The following GBA2 variants were observed in gnomAD, a reference collection of about 807,000 sequenced individuals.
GBA2 encodes glucosylceramidase beta 2.
A neutral mutation model predicts 112.9 loss-of-function variants in GBA2; 79 were observed. The observed-to-expected ratio is 0.70, with a 90% CI of 0.58 to 0.84. GBA2 has a LOEUF of 0.84. Ranked by LOEUF, GBA2 falls within the 40% of genes least tolerant of loss-of-function variation. The probability of loss-of-function intolerance (pLI) is 0.00; values close to 1 mark genes in which losing one functional copy is unlikely to be tolerated. For synonymous variants in GBA2, 403 were observed against 434.3 expected, an observed-to-expected ratio of 0.93 and a Z score of 0.90; for missense variants, 1,043 against 1,190.0, an observed-to-expected ratio of 0.88 and a Z score of 1.82.
In GBA2 at chr9:35,738,781, A is replaced by G. The variant is rs1394491709; in HGVS notation, c.1918T>C (p.Phe640Leu). The G allele has an allele frequency of 1.2e-6, 2 of 1,614,070 alleles. No homozygotes were observed. The highest frequency in any genetic ancestry group is 1.7e-6 in the Non-Finnish European group (2 of 1,180,008). ...CACACAGGCCACATGTCCTTCAGGA[A>G]GTTTTGATCACCCGTGAGGTAATAG... Reference protein sequence around the residue: ...RDYYLTGDQNFLKDMWPVCLA... With the variant: ...RDYYLTGDQNLLKDMWPVCLA... Residue 640 changes from phenylalanine (F) to leucine (L), a missense_variant, in exon 12 of 17, where the codon TTC (phenylalanine) becomes CTC (leucine). Physicochemically the swap from Phe to Leu is conservative, Grantham distance 22 (BLOSUM62 0). Transcript: ENST00000378103.
At position 35,738,545 on chromosome 9, in the gene GBA2, A is replaced by G; in HGVS notation, c.2035T>C (p.Trp679Arg). The change falls in exon 13 of 17, where the codon TGG becomes CGG. Residue 679 changes from tryptophan to arginine, a missense_variant. Physicochemically the swap from Trp to Arg is moderately radical, Grantham distance 101. Transcript: ENST00000378103. Reference protein sequence around the residue: ...GGYADQTYDGWVTTGPSAYCG... With the variant: ...GGYADQTYDGRVTTGPSAYCG... ...GCTAACCTGGGGCCTGTGGTCACCC[A>G]TCCATCATAGGTCTGGTCTGCATAG... 1 of 1,613,068 alleles carries G rather than the reference A, an allele frequency of 6.2e-7. No individual in the cohort carries two copies. Among genetic ancestry groups the G allele is most frequent in the Non-Finnish European group, 8.5e-7 (1 of 1,178,982 alleles).
chr9:35,741,174 G>GTAC lies in GBA2; in HGVS notation c.787-113_787-111dup. Reference sequence around the variant, plus strand: ...GGACCTGACTCAAATACTCCCCAGTGTACTCTTCTTTTGTCCACTTGCATC... The same window carrying GTAC: ...GGACCTGACTCAAATACTCCCCAGTGTACTACTCTTCTTTTGTCCACTTGCATC... On this transcript the variant is annotated intron_variant, in intron 4 of 16. Coordinates refer to ENST00000378103, the MANE Select transcript of GBA2 (RefSeq NM_020944.3). The surrounding 1 kb of genome is among the most constrained non-coding windows in gnomAD (Gnocchi z 4.6). 8 of 1,177,986 alleles carry GTAC rather than the reference G, an allele frequency of 6.8e-6. No homozygotes were observed. Among genetic ancestry groups the GTAC allele is most frequent in the Non-Finnish European group, 8.4e-6 (7 of 830,796 alleles). The allele number at this position is 1,177,986 out of a possible 1,614,324, so 73.0% of individuals were successfully genotyped here. A position where few individuals can be genotyped will look rare whatever the true frequency, so the allele number is the denominator to read the frequency against.
At position 35,741,115 on chromosome 9, in the gene GBA2, C is replaced by T; in HGVS notation, c.787-51G>A. 6.2e-7 allele frequency: 1 copy of T among 1,602,424 alleles called. No individual in the cohort carries two copies. On this transcript the variant is annotated intron_variant, in intron 4 of 16. Transcript: ENST00000378103. This position sits in a 1 kb window ranked among gnomAD's most constrained non-coding sequence, Gnocchi z 4.6. ...CGGTCCCAGTAGAGCGCCTCCTGAC[C>T]CCACTCTGCTAGGATCAGTCCTGGG...
At chr9:35,742,894 C>T (rs913386392) in intron 3 of GBA2, among the ~76,000 whole-genome samples, 5 of 152,120 alleles carry the variant, frequency 3.3e-5, no homozygotes, top group African/African-American at 1.2e-4. Context: ...TCTGTGAGTT[C>T]CACATCAGTG....
In GBA2 at chr9:35,746,534, T is replaced by G. The variant is rs1420074652; in HGVS notation, c.359+1812A>C. Among the ~76,000 whole-genome samples, 1 of 152,074 alleles carries G rather than the reference T, an allele frequency of 6.6e-6. No homozygotes were observed. The highest frequency in any genetic ancestry group is 1.5e-5 in the Non-Finnish European group (1 of 68,006). On this transcript the variant is annotated intron_variant, in intron 1 of 16. Coordinates refer to ENST00000378103, the MANE Select transcript of GBA2 (RefSeq NM_020944.3). This position sits in a 1 kb window ranked among gnomAD's most constrained non-coding sequence, Gnocchi z 5.2. Reference sequence around the variant, plus strand: ...TGAACCCAGGAGACGGAGGTTGCACTGAGCTGAGATTGCACCATTGTACTC... The same window carrying G: ...TGAACCCAGGAGACGGAGGTTGCACGGAGCTGAGATTGCACCATTGTACTC...
In GBA2 at chr9:35,740,055, C is replaced by T. The variant is rs200048828; in HGVS notation, c.1352G>A (p.Arg451Gln). 2.5e-5 allele frequency: 40 copies of T among 1,613,822 alleles called. No individual in the cohort carries two copies. The highest frequency in any genetic ancestry group is 1.6e-4 in the Middle Eastern group (1 of 6,084). Residue 451 changes from arginine (R) to glutamine (Q), a missense_variant, in exon 8 of 17, where the codon CGA (arginine) becomes CAA (glutamine). Transcript: ENST00000378103. The surrounding 1 kb of genome is among the most constrained non-coding windows in gnomAD (Gnocchi z 4.7). Reference sequence around the variant, plus strand: ...GATCCTCTCTTCCCACTCTGCGTATCGGCACAGTGCATAGTGGCTGAGGGC... The same window carrying T: ...GATCCTCTCTTCCCACTCTGCGTATTGGCACAGTGCATAGTGGCTGAGGGC... ...APALSHYALC[R>Q]YAEWEERISA...
Position 35,736,961 on chromosome 9 carries a change from AG to A in GBA2, c.*207del, listed in dbSNP as rs1588000485. The A allele has an allele frequency of 2.4e-6, 2 of 831,518 alleles. No individual in the cohort carries two copies. Among genetic ancestry groups the A allele is most frequent in the East Asian group, 5.3e-5 (2 of 37,426 alleles). 51.5% of individuals were successfully genotyped at this position (831,518 alleles called of 1,614,324 possible). ...ACCTCCCTGAACATTTCACGCAGTCAGGGAACAGGTGAGGAAAGAAATAAAT... is the reference window on the plus strand; with the variant it reads ...ACCTCCCTGAACATTTCACGCAGTCAGGAACAGGTGAGGAAAGAAATAAAT... On this transcript the variant is annotated 3_prime_UTR_variant, in exon 17 of 17. Transcript: ENST00000378103.
rs760282844 is a variant in GBA2, at chr9:35,740,899, T to G, written c.952A>C (p.Thr318Pro). Residue 318 changes from threonine (T) to proline (P), a missense_variant, in exon 5 of 17, where the codon ACT becomes CCT. Physicochemically the swap from Thr to Pro is conservative, Grantham distance 38. Coordinates refer to ENST00000378103, the MANE Select transcript of GBA2 (RefSeq NM_020944.3). The surrounding 1 kb of genome is among the most constrained non-coding windows in gnomAD (Gnocchi z 4.7). ...TGATGCAGGAGCAGCCCCCGGACAG[T>G]TTCCCCGCTACGCTCCAGACAGAAG... ...EPFCLERSGE[T>P]VRGLLLHHPT... The G allele has an allele frequency of 3.2e-5, 52 of 1,613,958 alleles. No individual in the cohort carries two copies. Among genetic ancestry groups the G allele is most frequent in the Non-Finnish European group, 4.4e-5 (52 of 1,179,932 alleles).
intron 8 of GBA2, 38 bp downstream of exon 8, chr9:35,739,960 T>G: frequency 6.2e-7 from 1 of 1,611,712 alleles, no homozygotes; most frequent in Non-Finnish European, 8.5e-7. Flanking sequence ...TTGGAGTGAG[T>G]GCCCAGGAGA....
At position 35,740,917 on chromosome 9, in the gene GBA2, G is replaced by T; in HGVS notation, c.934C>A (p.Leu312Met). 1 of 1,614,134 alleles carries T rather than the reference G, an allele frequency of 6.2e-7. No homozygotes were observed. Reference protein sequence around the residue: ...PGGLWNEPFCLERSGETVRGL... With the variant: ...PGGLWNEPFCMERSGETVRGL... ...CGGACAGTTTCCCCGCTACGCTCCA[G>T]ACAGAAGGGCTCATTCCACAAACCC... Residue 312 changes from leucine (L) to methionine (M), a missense_variant, in exon 5 of 17, where the codon CTG becomes ATG. Leu to Met is a conservative substitution (Grantham distance 15, BLOSUM62 2). Transcript: ENST00000378103. This position sits in a 1 kb window ranked among gnomAD's most constrained non-coding sequence, Gnocchi z 4.7.
Position 35,740,485 on chromosome 9 carries a change from A to G in GBA2, c.1129+41T>C, listed in dbSNP as rs773267348. 1.9e-6 allele frequency: 3 copies of G among 1,570,278 alleles called. No homozygotes were observed. In the South Asian group the frequency reaches 3.3e-5, roughly 17 times the overall value. ...CCACCCCTGGTCCCAAGACAGGGACAACCTCTCTTCCCACCATCTCCCAGT... is the reference window on the plus strand; with the variant it reads ...CCACCCCTGGTCCCAAGACAGGGACGACCTCTCTTCCCACCATCTCCCAGT... On this transcript the variant is annotated intron_variant, in intron 6 of 16. Coordinates refer to ENST00000378103, the MANE Select transcript of GBA2 (RefSeq NM_020944.3). The surrounding 1 kb of genome is among the most constrained non-coding windows in gnomAD (Gnocchi z 4.7).
Position 35,744,280 on chromosome 9 carries a change from C to T in GBA2, c.567+17G>A. ...TGGGGAGGTATTGTCCTGGCCTCTC[C>T]ACCTCCTGGCTCTTACTTGGTCAGC... On this transcript the variant is annotated intron_variant, in intron 3 of 16. Transcript: ENST00000378103. 1 of 1,453,704 alleles carries T rather than the reference C, an allele frequency of 6.9e-7. No individual in the cohort carries two copies. Among genetic ancestry groups the T allele is most frequent in the Non-Finnish European group, 9.7e-7 (1 of 1,033,792 alleles). The allele number at this position is 1,453,704 out of a possible 1,614,324, so 90.1% of individuals were successfully genotyped here. A position where few individuals can be genotyped will look rare whatever the true frequency, so the allele number is the denominator to read the frequency against.
chr9:35,743,459 T>C (rs1386295648), intron 3 of GBA2: 2 of 153,376 alleles, frequency 1.3e-5, no homozygotes, highest in Non-Finnish European at 2.9e-5. Context: ...GAGTCACAAT[T>C]CTGGAAGCCA....
rs1375794123 is a variant in GBA2 at position 35,740,090 on chromosome 9, A to C, written c.1317T>G (p.Asp439Glu). 8.7e-6 allele frequency: 14 copies of C among 1,614,054 alleles called. 1 individual carries two copies. In the Middle Eastern group the frequency reaches 6.6e-4, roughly 76 times the overall value. The part of the protein sequence containing the change: ...RYTRFFGQDG[D>E]AAPALSHYAL... Reference sequence around the variant, plus strand: ...CATAGTGGCTGAGGGCAGGTGCTGCATCTCCATCCTGGCCAAAGAACCTTG... The same window carrying C: ...CATAGTGGCTGAGGGCAGGTGCTGCCTCTCCATCCTGGCCAAAGAACCTTG... The change falls in exon 8 of 17, where the codon GAT becomes GAG. Residue 439 changes from aspartate (D) to glutamate (E), a missense_variant. Asp to Glu is a conservative substitution (Grantham distance 45). Transcript: ENST00000378103. The surrounding 1 kb of genome is among the most constrained non-coding windows in gnomAD (Gnocchi z 4.7).
intron 10 of GBA2, 48 bp from the exon 11 acceptor site, chr9:35,739,157 AG>A: frequency 8.1e-7 from 1 of 1,239,544 alleles, no homozygotes; most frequent in South Asian, 1.2e-5. Context: ...ATGCCTGAGG[AG>A]GGGCACACAG....
In GBA2 at chr9:35,748,629, G is replaced by T; in HGVS notation, c.76C>A (p.Pro26Thr). ...GTCTCTTCAGGGCAATAAACTTGTGGATCCTCTTTGGCACAGCTTATCTGC... is the reference window on the plus strand; with the variant it reads ...GTCTCTTCAGGGCAATAAACTTGTGTATCCTCTTTGGCACAGCTTATCTGC... ...SEQISCAKED[P>T]QVYCPEETGG... is the part of the protein sequence containing the mutation. Residue 26 changes from proline to threonine, a missense_variant, in exon 1 of 17, where the codon CCA becomes ACA. Pro to Thr is a conservative substitution (Grantham distance 38). Coordinates refer to ENST00000378103, the MANE Select transcript of GBA2 (RefSeq NM_020944.3). The T allele has an allele frequency of 6.2e-7, 1 of 1,613,472 alleles. No individual in the cohort carries two copies. The highest frequency in any genetic ancestry group is 8.5e-7 in the Non-Finnish European group (1 of 1,179,492).
rs1273188215 is a variant in GBA2, at chr9:35,746,548, AC to A, written c.359+1797del. Among the ~76,000 whole-genome samples, 1 of 152,130 alleles carries A rather than the reference AC, an allele frequency of 6.6e-6. No individual in the cohort carries two copies. Among genetic ancestry groups the A allele is most frequent in the East Asian group, 1.9e-4 (1 of 5,196 alleles). ...GGAGGTTGCACTGAGCTGAGATTGC[AC>A]CATTGTACTCCAGCCTGGGTGACAA... On this transcript the variant is annotated intron_variant, in intron 1 of 16. Transcript: ENST00000378103. The surrounding 1 kb of genome is among the most constrained non-coding windows in gnomAD (Gnocchi z 5.2).
At position 35,741,327 on chromosome 9, in the gene GBA2, T is replaced by C; in HGVS notation, c.787-263A>G. ...CCCTTTCACAGGCCATGCAGTTTCT[T>C]TTTTTTTTTTTTTGGGGGGTGCGGT... On this transcript the variant is annotated intron_variant, in intron 4 of 16. Coordinates refer to ENST00000378103, the MANE Select transcript of GBA2 (RefSeq NM_020944.3). The surrounding 1 kb of genome is among the most constrained non-coding windows in gnomAD (Gnocchi z 4.6). 3.5e-6 allele frequency: 1 copy of C among 282,396 alleles called. No homozygotes were observed. Among genetic ancestry groups the C allele is most frequent in the South Asian group, 6.8e-5 (1 of 14,728 alleles). 17.5% of individuals were successfully genotyped at this position (282,396 alleles called of 1,614,324 possible). A position where few individuals can be genotyped will look rare whatever the true frequency, so the allele number is the denominator to read the frequency against.
At position 35,745,998 on chromosome 9, in the gene GBA2, C is replaced by G. The variant is rs952965706; in HGVS notation, c.360-1292G>C. Among the ~76,000 whole-genome samples, 11 of 152,146 alleles carry G rather than the reference C, an allele frequency of 7.2e-5. No homozygotes were observed. In the East Asian group the frequency reaches 1.9e-3, roughly 27 times the overall value. ...TCAAATGACATAATAGATAAGAAAG[C>G]CATAAAGTACAGGTATGATTATTAC... is the stretch of plus-strand genomic sequence containing the variant. On this transcript the variant is annotated intron_variant, in intron 1 of 16. Transcript: ENST00000378103.
Sources: allele counts gnomAD v4.1 joint callset (sites outside exome capture counted in the v4.1 genomes callset), GRCh38; gene constraint gnomAD v4.1.1; non-coding constraint Gnocchi (gnomAD v3.1); transcripts MANE v1.5; gene names NCBI Gene and HGNC (gene_info 2026-07-23, HGNC 2026-07-21).